Variants in SYT1 observed in about 807,000 individuals in gnomAD.
SYT1 encodes synaptotagmin 1.
A neutral mutation model predicts 44.8 loss-of-function variants in SYT1; 8 were observed. The ratio of observed to expected loss-of-function variants is 0.18; its 90% CI spans 0.10 to 0.32. The LOEUF (loss-of-function observed/expected upper bound fraction) is 0.32, where lower values mean the gene tolerates loss of function less well. Ranked by LOEUF, SYT1 falls within the 10% of genes least tolerant of loss-of-function variation. The pLI, the probability that SYT1 is intolerant of heterozygous loss-of-function variation, is 1.00. For missense variants in SYT1, 286 were observed against 509.3 expected, an observed-to-expected ratio of 0.56 and a Z score of 4.22; for synonymous variants, 154 against 188.8, an observed-to-expected ratio of 0.82 and a Z score of 1.51.
At chr12:78,898,172 C>T (rs916850258) in intron 1 of SYT1, among the ~76,000 whole-genome samples, 1 of 152,044 alleles carries the variant, frequency 6.6e-6, no homozygotes, top group Non-Finnish European at 1.5e-5. Context: ...CTCAGTGTCT[C>T]ATTTGTCTTA....
At chr12:79,105,994 G>A (rs1020142678) in intron 3 of SYT1, among the ~76,000 whole-genome samples, 1 of 152,108 alleles carries the variant, frequency 6.6e-6, no homozygotes, top group South Asian at 2.1e-4. Context: ...GTGACTAAAT[G>A]AATGAGTACA....
intron 1 of SYT1, among the ~76,000 whole-genome samples, chr12:78,866,726 G>T (rs1349230942): frequency 6.6e-6 from 1 of 152,142 alleles, no homozygotes; most frequent in Non-Finnish European, 1.5e-5. Flanking sequence ...ACAGATGTTA[G>T]TATACAAAAC....
At chr12:79,026,291 A>T (rs1247543838) in intron 2 of SYT1, among the ~76,000 whole-genome samples, 1 of 151,528 alleles carries the variant, frequency 6.6e-6, no homozygotes, top group Non-Finnish European at 1.5e-5. Context: ...GTACACAGTT[A>T]TTATTGCTTC....
At chr12:78,885,401 A>C (rs1389910840) in intron 1 of SYT1, among the ~76,000 whole-genome samples, 2 of 151,594 alleles carry the variant, frequency 1.3e-5, no homozygotes, top group African/African-American at 2.4e-5. Flanking sequence ...AGGAAGGGAG[A>C]GAGAAGGAGG....
intron 1 of SYT1, among the ~76,000 whole-genome samples, chr12:78,949,216 T>C (rs1300689612): frequency 6.6e-6 from 1 of 151,514 alleles, no homozygotes; most frequent in African/African-American, 2.4e-5. Context: ...AAAAGTGCCA[T>C]TGTAGTTGTA....
At chr12:79,160,124 G>T (rs17005316) in intron 3 of SYT1, among the ~76,000 whole-genome samples, 12,515 of 152,124 alleles carry the variant, frequency 0.082, 678 homozygotes, top group African/African-American at 0.15. Context: ...AGGCTTTGTT[G>T]TGCTACTGAA....
In SYT1 at chr12:79,096,775, A is replaced by G. The variant is rs181864673; in HGVS notation, c.-18+49413A>G. 1.1e-3 allele frequency among the ~76,000 whole-genome samples: 160 copies of G among 152,106 alleles called. 1 individual carries two copies. The highest frequency in any genetic ancestry group is 3.6e-3 in the African/African-American group (151 of 41,542). ...AAAGGAGTTTGAGCAGGGGCATGAC[A>G]TCTTCACATTGAAAGCAATATGGGA... On this transcript the variant is annotated intron_variant, in intron 3 of 10. Transcript: ENST00000261205.
intron 1 of SYT1, among the ~76,000 whole-genome samples, chr12:78,875,863 T>A (rs2137043154): frequency 6.6e-6 from 1 of 151,790 alleles, no homozygotes; most frequent in African/African-American, 2.4e-5. Flanking sequence ...GAAGAGTAGC[T>A]GCTTTTCTTT....
rs201117180 is a variant in SYT1 at position 78,867,514 on chromosome 12, T to A, written c.-217+2405T>A. On this transcript the variant is annotated intron_variant, in intron 1 of 10. Coordinates refer to ENST00000261205, the MANE Select transcript of SYT1 (RefSeq NM_005639.3). ...CTTACTTTGTTATCCCACAAAATAG[T>A]CTAATGTCACAATTTCATACAATCT... 3.9e-5 allele frequency among the ~76,000 whole-genome samples: 6 copies of A among 152,128 alleles called. No homozygotes were observed. In the East Asian group the frequency reaches 1.2e-3, roughly 29 times the overall value.
intron 3 of SYT1, among the ~76,000 whole-genome samples, chr12:79,086,633 C>T (rs1390176505): frequency 6.6e-6 from 1 of 152,106 alleles, no homozygotes; most frequent in Non-Finnish European, 1.5e-5. Context: ...CAGCTTAGTT[C>T]TTTGTGAACT....
At chr12:78,877,524 A>G (rs923098675) in intron 1 of SYT1, among the ~76,000 whole-genome samples, 7 of 151,784 alleles carry the variant, frequency 4.6e-5, no homozygotes. Flanking sequence ...TAGTGTATGC[A>G]TACACACACT....
intron 1 of SYT1, chr12:78,926,514 T>G (rs575390503): frequency 2.0e-5 from 3 of 152,246 alleles, no homozygotes; most frequent in Non-Finnish European, 1.5e-5. Context: ...CTAAAGCATC[T>G]TTTTACTTCT....
chr12:79,359,279 C>G (rs569808835), intron 9 of SYT1, among the ~76,000 whole-genome samples: 1 of 152,254 alleles, frequency 6.6e-6, no homozygotes, highest in South Asian at 2.1e-4. Flanking sequence ...CCAGCAGCCT[C>G]CTGAACATCA....
intron 3 of SYT1, among the ~76,000 whole-genome samples, chr12:79,061,464 C>G (rs1875379708): frequency 6.6e-6 from 1 of 152,044 alleles, no homozygotes; most frequent in African/African-American, 2.4e-5. Flanking sequence ...GCAGAGTTGG[C>G]ATTTGAGAAC....
intron 2 of SYT1, among the ~76,000 whole-genome samples, chr12:79,007,674 T>G (rs1286053407): frequency 6.6e-6 from 1 of 152,178 alleles, no homozygotes; most frequent in East Asian, 1.9e-4. Context: ...TTATACCCTT[T>G]TTTGTTCCCA....
At chr12:79,309,830 T>C (rs1393245564) in intron 8 of SYT1, among the ~76,000 whole-genome samples, 1 of 152,350 alleles carries the variant, frequency 6.6e-6, no homozygotes, top group East Asian at 1.9e-4. Flanking sequence ...TAAGCACAGA[T>C]TGGCTATCAG....
At chr12:79,300,789 T>TTATA (rs56934430) in intron 8 of SYT1, among the ~76,000 whole-genome samples, 3,252 of 89,396 alleles carry the variant, frequency 0.036, 74 homozygotes, top group East Asian at 0.046. Flanking sequence ...TGTATACTTA[T>TTATA]TATATATATA....
chr12:79,053,470 C>A (rs1874685930), intron 3 of SYT1, among the ~76,000 whole-genome samples: 1 of 151,678 alleles, frequency 6.6e-6, no homozygotes, highest in Non-Finnish European at 1.5e-5. Context: ...AACAAACCTG[C>A]ACATTGTGCA....
Position 79,334,432 on chromosome 12 carries a change from AAAG to A in SYT1, c.811-19063_811-19061del, listed in dbSNP as rs369842184. Among the ~76,000 whole-genome samples, 262 of 152,272 alleles carry A rather than the reference AAAG, an allele frequency of 1.7e-3. 1 individual carries two copies. The highest frequency in any genetic ancestry group is 6.0e-3 in the African/African-American group (250 of 41,562). On this transcript the variant is annotated intron_variant, in intron 8 of 10. Coordinates refer to ENST00000261205, the MANE Select transcript of SYT1 (RefSeq NM_005639.3). ...GGGAAGGTGTTACAGAAATGCAAAG[AAAG>A]AAGAAGGGCCAAACTTGAACGAGAA...
Sources: allele counts gnomAD v4.1 joint callset (sites outside exome capture counted in the v4.1 genomes callset), GRCh38; gene constraint gnomAD v4.1.1; transcripts MANE v1.5; gene names NCBI Gene and HGNC (gene_info 2026-07-23, HGNC 2026-07-21).